Variants in CDH4 observed in about 807,000 individuals in gnomAD.
CDH4 encodes the protein cadherin-4.
CDH4 carries 33 observed loss-of-function variants against 86.0 expected under a neutral mutation model. The observed-to-expected ratio is 0.38, with a 90% CI of 0.29 to 0.51. The LOEUF is 0.51. Ranked by LOEUF, CDH4 falls within the 20% of genes least tolerant of loss-of-function variation. CDH4 has a pLI of 0.86. For missense variants in CDH4, 1,114 were observed against 1,307.4 expected, an observed-to-expected ratio of 0.85 and a Z score of 2.28; for synonymous variants, 555 against 549.4, an observed-to-expected ratio of 1.01 and a Z score of -0.14.
At chr20:61,461,195 T>A (rs536892743) in intron 2 of CDH4, among the ~76,000 whole-genome samples, 5,749 of 151,846 alleles carry the variant, frequency 0.038, 357 homozygotes, top group African/African-American at 0.13. Flanking sequence ...GCCATTTTTT[T>A]TTAAAAAAAA....
intron 6 of CDH4, among the ~76,000 whole-genome samples, chr20:61,855,571 G>A (rs372576410): frequency 1.8e-4 from 28 of 152,310 alleles, no homozygotes; most frequent in African/African-American, 5.8e-4. Context: ...ATTTAAAGGC[G>A]CCTGGATTTT....
chr20:61,443,571 G>C (rs1025840274), intron 2 of CDH4, among the ~76,000 whole-genome samples: 1 of 152,298 alleles, frequency 6.6e-6, no homozygotes, highest in Non-Finnish European at 1.5e-5. Context: ...GCAGTACCTG[G>C]AGTCGGAACA....
intron 2 of CDH4, among the ~76,000 whole-genome samples, chr20:61,459,276 A>G (rs550897701): frequency 6.6e-6 from 1 of 152,158 alleles, no homozygotes; most frequent in East Asian, 1.9e-4. Context: ...CAAAGTTGCC[A>G]GTGAGAACCC....
intron 2 of CDH4, among the ~76,000 whole-genome samples, chr20:61,693,012 C>A (rs377352188): frequency 6.6e-6 from 1 of 151,996 alleles, no homozygotes; most frequent in East Asian, 1.9e-4. Context: ...CAGCCAGCCC[C>A]GGGATGGAGA....
At chr20:61,474,902 G>A (rs532847701) in intron 2 of CDH4, among the ~76,000 whole-genome samples, 1 of 152,098 alleles carries the variant, frequency 6.6e-6, no homozygotes, top group African/African-American at 2.4e-5. Flanking sequence ...AGAAGTGCAC[G>A]CTGCAGAGTT....
chr20:61,627,978 G>A (rs1185357122), intron 2 of CDH4, among the ~76,000 whole-genome samples: 2 of 152,004 alleles, frequency 1.3e-5, no homozygotes, highest in African/African-American at 2.4e-5. Context: ...AGGGGTCTGC[G>A]CCCTACCTCC....
intron 2 of CDH4, among the ~76,000 whole-genome samples, chr20:61,353,515 A>C (rs1432639596): frequency 6.6e-6 from 1 of 151,296 alleles, no homozygotes; most frequent in African/African-American, 2.4e-5. Flanking sequence ...CTTCACAGAA[A>C]ACCGAATATA....
intron 2 of CDH4, among the ~76,000 whole-genome samples, chr20:61,713,806 A>G (rs1001495044): frequency 5.9e-5 from 9 of 152,268 alleles, no homozygotes; most frequent in South Asian, 2.1e-4. Flanking sequence ...AGCAGCCCCT[A>G]CGTGGTTACT....
rs1230438893 is a variant in CDH4 at position 61,516,747 on chromosome 20, A to G, written c.170-226816A>G. On this transcript the variant is annotated intron_variant, in intron 2 of 15. Coordinates refer to ENST00000614565, the MANE Select transcript of CDH4 (RefSeq NM_001794.5). This position sits in a 1 kb window ranked among gnomAD's most constrained non-coding sequence, Gnocchi z 4.0. ...GCCCTGCCCGAGAGCAGGCACTAAA[A>G]ATAACCAGGCTCCGTTCCCAGGTCA... 6.6e-6 allele frequency among the ~76,000 whole-genome samples: 1 copy of G among 152,134 alleles called. No homozygotes were observed. Among genetic ancestry groups the G allele is most frequent in the Non-Finnish European group, 1.5e-5 (1 of 68,030 alleles).
chr20:61,273,555 G>C (rs2084200353), intron 2 of CDH4, among the ~76,000 whole-genome samples: 3 of 142,642 alleles, frequency 2.1e-5, no homozygotes, highest in African/African-American at 5.3e-5. Context: ...CAGTTTGGAG[G>C]AGTACCGTGT....
intron 2 of CDH4, among the ~76,000 whole-genome samples, chr20:61,628,526 G>A (rs965237566): frequency 3.9e-5 from 6 of 152,252 alleles, no homozygotes; most frequent in Non-Finnish European, 8.8e-5. Flanking sequence ...CAGAGAGCAT[G>A]AGGCCGAGCT....
chr20:61,587,744 CTTTTCTGAAGGAAAA>C (rs576186793), intron 2 of CDH4, among the ~76,000 whole-genome samples: 210 of 152,252 alleles, frequency 1.4e-3, no homozygotes, highest in East Asian at 0.012. Flanking sequence ...TTCTCAGCAC[CTTTTCTGAAGGAAAA>C]TTAAGCAGCA....
intron 2 of CDH4, among the ~76,000 whole-genome samples, chr20:61,355,194 C>A (rs1032912346): frequency 6.6e-6 from 1 of 152,126 alleles, no homozygotes; most frequent in Non-Finnish European, 1.5e-5. Context: ...CTGAACAAAC[C>A]TGCCCTGGAG....
chr20:61,855,553 A>T (rs925584437), intron 6 of CDH4, among the ~76,000 whole-genome samples: 1 of 152,234 alleles, frequency 6.6e-6, no homozygotes, highest in African/African-American at 2.4e-5. Flanking sequence ...CCGGAGACCC[A>T]GGATGCTATT....
At chr20:61,330,924 A>C (rs1479134365) in intron 2 of CDH4, among the ~76,000 whole-genome samples, 1 of 152,130 alleles carries the variant, frequency 6.6e-6, no homozygotes, top group Non-Finnish European at 1.5e-5. Flanking sequence ...TCCTCCCCTG[A>C]GTTCCCCTGC....
At chr20:61,554,582 AC>A (rs1372118311) in intron 2 of CDH4, among the ~76,000 whole-genome samples, 1 of 152,190 alleles carries the variant, frequency 6.6e-6, no homozygotes, top group Non-Finnish European at 1.5e-5. Context: ...TGTTGCAGAA[AC>A]CCAGCCAGGC....
intron 2 of CDH4, among the ~76,000 whole-genome samples, chr20:61,654,320 C>A (rs1407643268): frequency 2.0e-5 from 3 of 152,188 alleles, no homozygotes; most frequent in Admixed American, 6.5e-5. Flanking sequence ...AAGCACTCGG[C>A]AGGCTGAGGC....
intron 2 of CDH4, among the ~76,000 whole-genome samples, chr20:61,491,877 A>G (rs546489110): frequency 6.8e-6 from 1 of 147,764 alleles, no homozygotes; most frequent in African/African-American, 2.5e-5. Flanking sequence ...TGTTGATGGT[A>G]TTGATGTTGG....
intron 2 of CDH4, among the ~76,000 whole-genome samples, chr20:61,446,988 T>C (rs2085353957): frequency 6.6e-6 from 1 of 152,220 alleles, no homozygotes; most frequent in African/African-American, 2.4e-5. Context: ...GGATTTTGTG[T>C]GTGTTTATTT....
Sources: gnomAD v4.1 joint callset for allele counts (sites outside exome capture counted in the v4.1 genomes callset) on GRCh38, gnomAD v4.1.1 for gene constraint, Gnocchi (gnomAD v3.1) non-coding constraint, MANE v1.5 for transcripts, NCBI Gene and HGNC (gene_info 2026-07-23, HGNC 2026-07-21) for gene names.